The following CFAP70 variants were observed in gnomAD, a reference collection of about 807,000 sequenced individuals.
The protein encoded by CFAP70 is cilia and flagella associated protein 70.
A neutral mutation model predicts 137.6 loss-of-function variants in CFAP70; 81 were observed. The ratio of observed to expected loss-of-function variants is 0.59; its 90% CI spans 0.49 to 0.71. The LOEUF (loss-of-function observed/expected upper bound fraction) is 0.71, where lower values mean the gene tolerates loss of function less well. Among genes scored for constraint, CFAP70 ranks in the 30% least tolerant of loss-of-function variants. The pLI is 0.00. For missense variants in CFAP70, 976 were observed against 1,226.7 expected (o/e 0.80, Z 3.05); for synonymous variants, 382 against 423.6 (o/e 0.90, Z 1.20).
intron 12 of CFAP70, among the ~76,000 whole-genome samples, chr10:73,305,902 A>G (rs547102214): frequency 2.0e-5 from 3 of 152,296 alleles, no homozygotes; most frequent in East Asian, 3.9e-4. Context: ...TACTATACAC[A>G]CTCAAAAAGC....
chr10:73,341,666 G>T, intron 5 of CFAP70, 85 bp from the exon 7 acceptor site: 1 of 1,204,880 alleles, frequency 8.3e-7, no homozygotes, highest in Non-Finnish European at 1.2e-6. Context: ...CTTTTCAATG[G>T]AATGCTGAGT....
chr10:73,337,438 A>C (rs11000612), intron 6 of CFAP70, among the ~76,000 whole-genome samples: 23,363 of 152,130 alleles, frequency 0.15, 2,945 homozygotes, highest in African/African-American at 0.32. Flanking sequence ...GAGCTGAGAT[A>C]GCGCCATTGC....
Position 73,291,916 on chromosome 10 carries a change from CTGAAAACACT to C in CFAP70, c.1859_1868del (p.Glu620GlyfsTer46). ...GACTCTGGTTGAGGGAAAGGGCTTT[CTGAAAACACT>C]CTTGTGCTTTGATGTTGTCTTCAGT... On this transcript the variant is annotated frameshift_variant, in exon 17 of 27. Transcript: ENST00000310715. LOFTEE classifies it high-confidence loss of function. The C allele has an allele frequency of 6.2e-7, 1 of 1,614,202 alleles. No homozygotes were observed. The highest frequency in any genetic ancestry group is 8.5e-7 in the Non-Finnish European group (1 of 1,180,028).
At chr10:73,299,831 G>A (rs753735902) in intron 12 of CFAP70, among the ~76,000 whole-genome samples, 166 bp from the exon 14 acceptor site, 7 of 152,150 alleles carry the variant, frequency 4.6e-5, no homozygotes, top group Non-Finnish European at 1.0e-4. Flanking sequence ...AACCCTAGAT[G>A]TGAACCACAG....
At chr10:73,341,620 A>C in intron 5 of CFAP70, 39 bp from the exon 7 acceptor site, 1 of 1,556,188 alleles carries the variant, frequency 6.4e-7, no homozygotes, top group Non-Finnish European at 8.8e-7. Flanking sequence ...AAATTTGTAA[A>C]GGACTTTGAA....
rs2132025136 is a variant in CFAP70, at chr10:73,303,836, T to G, written c.1257-4171A>C. Among the ~76,000 whole-genome samples, 4 of 152,316 alleles carry G rather than the reference T, an allele frequency of 2.6e-5. No homozygotes were observed. The Middle Eastern group carries it at 0.014, about 518-fold the overall frequency. ...AAGAGCCCAAATGAGAAATCTGTTT[T>G]AGAATTTAATGCCAGGAATAAATGT... On this transcript the variant is annotated intron_variant, in intron 12 of 26. Transcript: ENST00000310715.
chr10:73,255,579 T>C (rs2044406804), intron 26 of CFAP70, among the ~76,000 whole-genome samples: 2 of 152,174 alleles, frequency 1.3e-5, no homozygotes, highest in South Asian at 2.1e-4. Flanking sequence ...ATGTAACTGA[T>C]AGAACAGACC....
chr10:73,310,217 C>T (rs2049792028), exon 12 of CFAP70: 1 of 1,612,560 alleles, frequency 6.2e-7, no homozygotes, highest in Non-Finnish European at 8.5e-7. Context: ...GCTGAATTTC[C>T]AACACAATGT....
chr10:73,328,701 AAAG>A (rs1423634276), intron 8 of CFAP70, among the ~76,000 whole-genome samples: 1 of 146,310 alleles, frequency 6.8e-6, no homozygotes, highest in Admixed American at 6.8e-5. Context: ...ACACTTCTCA[AAAG>A]AAGACATTTA....
intron 19 of CFAP70, among the ~76,000 whole-genome samples, chr10:73,285,679 G>A (rs939136505): frequency 1.5e-4 from 22 of 149,136 alleles, no homozygotes; most frequent in Admixed American, 2.7e-4. Context: ...CTGTCGCTGA[G>A]GCTGGAGTGC....
At chr10:73,316,487 G>GATATAT (rs551707557) in intron 9 of CFAP70, among the ~76,000 whole-genome samples, 1,951 of 100,876 alleles carry the variant, frequency 0.019, 22 homozygotes, top group African/African-American at 0.023. Context: ...TATAGATATA[G>GATATAT]ATATATATAT....
At chr10:73,359,178 C>T (rs1049953280), upstream of CFAP70, among the ~76,000 whole-genome samples, 1 of 152,074 alleles carries the variant, frequency 6.6e-6, no homozygotes, top group Non-Finnish European at 1.5e-5. Flanking sequence ...TCTAGGTGCT[C>T]AATATTTGTA....
At position 73,275,723 on chromosome 10, in the gene CFAP70, A is replaced by C; in HGVS notation, c.2521-125T>G. The C allele has an allele frequency of 1.2e-6, 1 of 867,600 alleles. No homozygotes were observed. Among genetic ancestry groups the C allele is most frequent in the Non-Finnish European group, 1.6e-6 (1 of 610,214 alleles). 53.7% of individuals were successfully genotyped at this position (867,600 alleles called of 1,614,324 possible). A position where few individuals can be genotyped will look rare whatever the true frequency, so the allele number is the denominator to read the frequency against. On this transcript the variant is annotated intron_variant, in intron 21 of 26. Coordinates refer to ENST00000310715, the Ensembl canonical transcript of CFAP70. This position sits in a 1 kb window ranked among gnomAD's most constrained non-coding sequence, Gnocchi z 4.0. ...TTACAGAATGAAATAATTATCCTCAACTTCAAAAGGTAAAGGGTGAATTAC... is the reference window on the plus strand; with the variant it reads ...TTACAGAATGAAATAATTATCCTCACCTTCAAAAGGTAAAGGGTGAATTAC...
intron 1 of CFAP70, among the ~76,000 whole-genome samples, chr10:73,358,263 T>G (rs2054818820): frequency 6.6e-6 from 1 of 152,136 alleles, no homozygotes; most frequent in East Asian, 1.9e-4. Context: ...CGCGTCGTGT[T>G]TGAATTATGA....
intron 6 of CFAP70, among the ~76,000 whole-genome samples, chr10:73,338,482 G>A (rs2052920010): frequency 6.8e-6 from 1 of 147,642 alleles, no homozygotes; most frequent in African/African-American, 2.5e-5. Flanking sequence ...CCAGGCTGGA[G>A]TGCAGTGGCA....
At chr10:73,323,677 C>A (rs1479183147) in intron 8 of CFAP70, among the ~76,000 whole-genome samples, 1 of 152,240 alleles carries the variant, frequency 6.6e-6, no homozygotes, top group Admixed American at 6.5e-5. Context: ...AGATTATATC[C>A]CGCACCTGGC....
chr10:73,344,636 T>G (rs2053554699), intron 5 of CFAP70, among the ~76,000 whole-genome samples: 2 of 152,174 alleles, frequency 1.3e-5, no homozygotes. Context: ...AGCAAGCAAG[T>G]TAGAAATCTC....
intron 19 of CFAP70, among the ~76,000 whole-genome samples, chr10:73,286,731 T>G (rs2047746189): frequency 6.6e-6 from 1 of 152,080 alleles, no homozygotes; most frequent in Non-Finnish European, 1.5e-5. Flanking sequence ...AGTGGAAAAT[T>G]GGGGCTGACA....
chr10:73,330,949 A>T (rs934423007), intron 8 of CFAP70, among the ~76,000 whole-genome samples: 3 of 152,190 alleles, frequency 2.0e-5, no homozygotes, highest in Non-Finnish European at 4.4e-5. Context: ...ACAACGGGGA[A>T]CTAGGGTGGT....
Sources: allele counts gnomAD v4.1 joint callset (sites outside exome capture counted in the v4.1 genomes callset), GRCh38; gene constraint gnomAD v4.1.1; non-coding constraint Gnocchi (gnomAD v3.1); transcripts MANE v1.5; gene names NCBI Gene and HGNC (gene_info 2026-07-23, HGNC 2026-07-21).